Variants in RAD54L2 observed in about 807,000 individuals in gnomAD.
RAD54L2 encodes helicase ARIP4.
RAD54L2 carries 27 observed loss-of-function variants against 138.4 expected under a neutral mutation model. The ratio of observed to expected loss-of-function variants is 0.20; its 90% CI spans 0.14 to 0.27. RAD54L2 has a LOEUF of 0.27. RAD54L2 is among the 10% of genes least tolerant of loss of function. The pLI is 1.00. For synonymous variants in RAD54L2, 644 were observed against 723.2 expected (o/e 0.89, Z 1.76); for missense variants, 1,396 against 1,890.2 (o/e 0.74, Z 4.85).
At chr3:51,625,759 G>C (rs1700663689) in intron 3 of RAD54L2, among the ~76,000 whole-genome samples, 1 of 152,096 alleles carries the variant, frequency 6.6e-6, no homozygotes, top group South Asian at 2.1e-4. Flanking sequence ...CTACCTGAGA[G>C]GCTGAGGCTG....
intron 2 of RAD54L2, among the ~76,000 whole-genome samples, chr3:51,551,636 T>C (rs1698839297): frequency 6.6e-6 from 1 of 152,014 alleles, no homozygotes; most frequent in African/African-American, 2.4e-5. Flanking sequence ...GGTTTCACCA[T>C]GTTGGCCAGG....
chr3:51,627,964 G>T (rs759815787), intron 4 of RAD54L2, among the ~76,000 whole-genome samples: 1 of 152,208 alleles, frequency 6.6e-6, no homozygotes, highest in Non-Finnish European at 1.5e-5. Context: ...AATGAGAAAG[G>T]CCTTGACCAC....
chr3:51,567,587 G>C (rs1434836600), intron 2 of RAD54L2, among the ~76,000 whole-genome samples: 1 of 152,242 alleles, frequency 6.6e-6, no homozygotes, highest in East Asian at 1.9e-4. Context: ...GTATTTCATA[G>C]TTATTGATCA....
chr3:51,633,833 A>G (rs990489895), intron 8 of RAD54L2, 69 bp from the exon 9 acceptor site: 2 of 1,603,872 alleles, frequency 1.2e-6, no homozygotes, highest in African/African-American at 1.3e-5. Context: ...CTGGGCACCA[A>G]AAAGCTTGAT....
chr3:51,571,980 T>C (rs1699347288), intron 2 of RAD54L2, among the ~76,000 whole-genome samples: 1 of 152,200 alleles, frequency 6.6e-6, no homozygotes, highest in South Asian at 2.1e-4. Context: ...AAGAAGCCTT[T>C]TTTCTACTTT....
At chr3:51,572,266 T>TG in intron 2 of RAD54L2, among the ~76,000 whole-genome samples, 1 of 152,016 alleles carries the variant, frequency 6.6e-6, no homozygotes, top group Non-Finnish European at 1.5e-5. Flanking sequence ...CTGGCCAACA[T>TG]GGTGAAAGCG....
intron 2 of RAD54L2, among the ~76,000 whole-genome samples, chr3:51,549,567 C>T (rs1553673125): frequency 6.6e-6 from 1 of 152,020 alleles, no homozygotes; most frequent in Admixed American, 6.6e-5. Flanking sequence ...CACCTGAGGT[C>T]AGGAGTTGGA....
At chr3:51,607,598 C>T (rs545509792) in intron 3 of RAD54L2, among the ~76,000 whole-genome samples, 182 of 152,370 alleles carry the variant, frequency 1.2e-3, no homozygotes, top group African/African-American at 4.2e-3. Flanking sequence ...GTCATCATGG[C>T]CCGTTCTCAA....
intron 5 of RAD54L2, among the ~76,000 whole-genome samples, chr3:51,629,730 G>A (rs945576321): frequency 1.3e-5 from 2 of 152,118 alleles, no homozygotes; most frequent in Non-Finnish European, 2.9e-5. Flanking sequence ...GGGCGTGGTG[G>A]CGTGAGCCTG....
intron 3 of RAD54L2, among the ~76,000 whole-genome samples, chr3:51,620,407 CTTT>C (rs60585256): frequency 6.1e-5 from 5 of 82,548 alleles, no homozygotes; most frequent in South Asian, 4.1e-4. Flanking sequence ...TCCTACTGGT[CTTT>C]TTTTTTTTTT....
Position 51,630,407 on chromosome 3 carries a change from C to G in RAD54L2, c.598+19C>G. 1.9e-6 allele frequency: 3 copies of G among 1,594,922 alleles called. 1 individual carries two copies. In the South Asian group the frequency reaches 3.3e-5, roughly 18 times the overall value. On this transcript the variant is annotated intron_variant, in intron 6 of 22. Coordinates refer to ENST00000684192, the MANE Select transcript of RAD54L2 (RefSeq NM_015106.4). ...CGAGATGGTAAGATCAAACCAGGTG[C>G]CTCCCTTTCTTCCGACCTGGTGTTC...
In RAD54L2 at chr3:51,581,259, G is replaced by A. The variant is rs142343050; in HGVS notation, c.-54-9108G>A. Among the ~76,000 whole-genome samples, 380 of 152,138 alleles carry A rather than the reference G, an allele frequency of 2.5e-3. 3 individuals carry two copies. Among genetic ancestry groups the A allele is most frequent in the African/African-American group, 8.4e-3 (350 of 41,498 alleles). ...ACTACAGGCACGCACCACCACAACCGGCTAATTTTTGTATTTTTAGTAGAA... is the reference window on the plus strand; with the variant it reads ...ACTACAGGCACGCACCACCACAACCAGCTAATTTTTGTATTTTTAGTAGAA... On this transcript the variant is annotated intron_variant, in intron 2 of 22. Coordinates refer to ENST00000684192, the MANE Select transcript of RAD54L2 (RefSeq NM_015106.4).
chr3:51,619,177 C>T (rs1700514374), intron 3 of RAD54L2, among the ~76,000 whole-genome samples: 1 of 152,162 alleles, frequency 6.6e-6, no homozygotes, highest in Admixed American at 6.5e-5. Context: ...CCTGCCTCAG[C>T]CTCCTGAGTA....
intron 3 of RAD54L2, among the ~76,000 whole-genome samples, chr3:51,623,047 CTG>C (rs2106782826): frequency 6.6e-6 from 1 of 152,370 alleles, no homozygotes; most frequent in African/African-American, 2.4e-5. Context: ...GTCTATTCCA[CTG>C]TGCCTTGGCA....
At chr3:51,628,410 A>G (rs1700744549) in intron 4 of RAD54L2, among the ~76,000 whole-genome samples, 2 of 151,450 alleles carry the variant, frequency 1.3e-5, no homozygotes, top group South Asian at 4.2e-4. Flanking sequence ...ATTTTTTTTG[A>G]GATAAAGTCT....
intron 21 of RAD54L2, 90 bp downstream of exon 21, chr3:51,657,759 G>A (rs1701642335): frequency 6.7e-6 from 6 of 893,974 alleles, no homozygotes; most frequent in African/African-American, 5.0e-5. Context: ...TGAGCTAGAC[G>A]GGTCATAGGA....
chr3:51,626,401 A>G (rs960674308), intron 3 of RAD54L2, among the ~76,000 whole-genome samples: 2 of 123,760 alleles, frequency 1.6e-5, no homozygotes, highest in African/African-American at 6.2e-5. Context: ...CTGGTATTGG[A>G]TGTTACAAAT....
chr3:51,555,504 A>G (rs1461011517), intron 2 of RAD54L2, among the ~76,000 whole-genome samples: 1 of 152,160 alleles, frequency 6.6e-6, no homozygotes, highest in Non-Finnish European at 1.5e-5. Flanking sequence ...TGAAAATAGA[A>G]AAATTAGCCA....
chr3:51,622,972 T>C (rs962812713), intron 3 of RAD54L2, among the ~76,000 whole-genome samples: 1 of 152,256 alleles, frequency 6.6e-6, no homozygotes, highest in African/African-American at 2.4e-5. Flanking sequence ...CTGGATTTGG[T>C]GTTTTTTCCT....
Sources: allele counts gnomAD v4.1 joint callset (sites outside exome capture counted in the v4.1 genomes callset), GRCh38; gene constraint gnomAD v4.1.1; transcripts MANE v1.5; gene names NCBI Gene and HGNC (gene_info 2026-07-23, HGNC 2026-07-21).